RUFY2: variants seen among roughly 807,000 people sequenced by gnomAD.
RUFY2 encodes RUN and FYVE domain containing 2, also known as RUN and FYVE domain-containing protein 2.
A neutral mutation model predicts 94.4 loss-of-function variants in RUFY2; 49 were observed. That is an observed-to-expected ratio of 0.52 (90% CI 0.41 to 0.66). The LOEUF is 0.66. Ranked by LOEUF, RUFY2 falls within the 30% of genes least tolerant of loss-of-function variation. The probability of loss-of-function intolerance (pLI) is 0.00; values close to 1 mark genes in which losing one functional copy is unlikely to be tolerated. For synonymous variants in RUFY2, 255 were observed against 235.7 expected (o/e 1.08, Z -0.75); for missense variants, 541 against 692.8 (o/e 0.78, Z 2.46).
chr10:68,363,901 G>T, intron 14 of RUFY2, 83 bp downstream of exon 14: 8 of 1,111,392 alleles, frequency 7.2e-6, no homozygotes, highest in South Asian at 1.7e-5. Flanking sequence ...CCATTTCCTT[G>T]GTATAATGTA....
rs2134837717 is a variant in RUFY2 at position 68,343,680 on chromosome 10, A to AAATG, written c.*2084_*2087dup. 6.6e-6 allele frequency: 1 copy of AAATG among 152,640 alleles called. No homozygotes were observed. The highest frequency in any genetic ancestry group is 1.9e-4 in the East Asian group (1 of 5,192). 9.5% of individuals were successfully genotyped at this position (152,640 alleles called of 1,614,324 possible). A position where few individuals can be genotyped will look rare whatever the true frequency, so the allele number is the denominator to read the frequency against. Reference sequence around the variant, plus strand: ...ATGTTAAGTCTGTTTTTGAAAAGTAAAATGAATACGAGTTCACAATCACGA... The same window carrying AAATG: ...ATGTTAAGTCTGTTTTTGAAAAGTAAAATGAATGAATACGAGTTCACAATCACGA... On this transcript the variant is annotated 3_prime_UTR_variant, in exon 18 of 18. Transcript: ENST00000602465.
chr10:68,393,077 G>C, intron 7 of RUFY2, 61 bp downstream of exon 7: 1 of 887,488 alleles, frequency 1.1e-6, no homozygotes, highest in Non-Finnish European at 1.7e-6. Context: ...GTAAGCTGAA[G>C]GGAAAAAAAC....
At chr10:68,373,874 G>A (rs1315395933) in intron 13 of RUFY2, among the ~76,000 whole-genome samples, 2 of 152,178 alleles carry the variant, frequency 1.3e-5, no homozygotes, top group Admixed American at 1.3e-4. Flanking sequence ...GGAGGCCAAG[G>A]TGGGAGGATC....
rs2047004692 is a variant in RUFY2, at chr10:68,355,760, A to C, written c.1551-359T>G. ...AAACCCCGTCTCTACTAAAAATACAAAAAATTAGCCAGGCATGGTGGCGGG... is the reference window on the plus strand; with the variant it reads ...AAACCCCGTCTCTACTAAAAATACACAAAATTAGCCAGGCATGGTGGCGGG... On this transcript the variant is annotated intron_variant, in intron 15 of 17. Coordinates refer to ENST00000602465, the MANE Select transcript of RUFY2 (RefSeq NM_001330103.2). The C allele has an allele frequency of 1.9e-5, 3 of 160,348 alleles. No homozygotes were observed. The South Asian group carries it at 4.7e-4, about 25-fold the overall frequency. The allele number at this position is 160,348 out of a possible 1,614,324, so 9.9% of individuals were successfully genotyped here.
chr10:68,351,667 C>T (rs2046687106), intron 16 of RUFY2, among the ~76,000 whole-genome samples: 1 of 150,810 alleles, frequency 6.6e-6, no homozygotes, highest in Non-Finnish European at 1.5e-5. Context: ...CCAGGATGGA[C>T]TCAATCTCTT....
chr10:68,361,641 C>G (rs1281331145), intron 15 of RUFY2, among the ~76,000 whole-genome samples: 1 of 152,184 alleles, frequency 6.6e-6, no homozygotes, highest in Non-Finnish European at 1.5e-5. Flanking sequence ...ACAGCTTTAT[C>G]TTTTTGAGAT....
At chr10:68,404,158 ACAATAATT>A (rs2051088922) in intron 2 of RUFY2, among the ~76,000 whole-genome samples, 1 of 152,240 alleles carries the variant, frequency 6.6e-6, no homozygotes, top group Non-Finnish European at 1.5e-5. Context: ...TTTATATGTA[ACAATAATT>A]CAATATGTAC....
In RUFY2 at chr10:68,401,505, TAGA is replaced by T. The variant is rs1467989316; in HGVS notation, c.296+112_296+114del. ...GAACATAATTTTATTATAAGAGGAT[TAGA>T]AGAAGGGGACTTAAGACTAAGAGAA... is the stretch of plus-strand genomic sequence containing the variant. On this transcript the variant is annotated intron_variant, in intron 3 of 17. Coordinates refer to ENST00000602465, the MANE Select transcript of RUFY2 (RefSeq NM_001330103.2). The T allele has an allele frequency of 6.1e-6, 4 of 651,114 alleles. No individual in the cohort carries two copies. In the African/African-American group the frequency reaches 7.2e-5, roughly 12 times the overall value. The allele number at this position is 651,114 out of a possible 1,614,324, so 40.3% of individuals were successfully genotyped here.
chr10:68,398,389 C>T (rs1020237457), intron 3 of RUFY2, among the ~76,000 whole-genome samples: 7 of 152,214 alleles, frequency 4.6e-5, no homozygotes, highest in Non-Finnish European at 1.0e-4. Context: ...TGGTGGCTCA[C>T]GCCTGTAATC....
rs911096222 is a variant in RUFY2, at chr10:68,363,400, C to T, written c.1550+190G>A. On this transcript the variant is annotated intron_variant, in intron 15 of 17. Coordinates refer to ENST00000602465, the MANE Select transcript of RUFY2 (RefSeq NM_001330103.2). ...CCATATTAGCCAGTCTGGTCTTGAC[C>T]TCCTGACTTCATGATCCACCCGCCT... is the stretch of plus-strand genomic sequence containing the variant. Among the ~76,000 whole-genome samples, 5 of 152,300 alleles carry T rather than the reference C, an allele frequency of 3.3e-5. No homozygotes were observed. The Middle Eastern group carries it at 0.01, about 311-fold the overall frequency.
At chr10:68,387,700 G>A (rs977910418) in intron 7 of RUFY2, among the ~76,000 whole-genome samples, 3 of 151,956 alleles carry the variant, frequency 2.0e-5, no homozygotes, top group African/African-American at 7.2e-5. Context: ...TCCTAATTGT[G>A]TCACCTTGAA....
intron 13 of RUFY2, among the ~76,000 whole-genome samples, chr10:68,368,826 C>T (rs1472543639): frequency 2.0e-5 from 3 of 152,112 alleles, no homozygotes; most frequent in Non-Finnish European, 4.4e-5. Flanking sequence ...CCATTAAATA[C>T]TAATGGGCAT....
intron 14 of RUFY2, 72 bp from the exon 15 acceptor site, chr10:68,363,756 C>T (rs923862432): frequency 4.0e-6 from 4 of 992,692 alleles, no homozygotes; most frequent in Non-Finnish European, 5.9e-6. Context: ...GTACATATAC[C>T]ATTAATTAGA....
rs1554869876 is a variant in RUFY2 at position 68,343,808 on chromosome 10, T to TTAAAAAAAAAAAAA, written c.*1959_*1960insTTTTTTTTTTTTTA. On this transcript the variant is annotated 3_prime_UTR_variant, in exon 18 of 18. Transcript: ENST00000602465. Reference sequence around the variant, plus strand: ...GCAAGTTGCTGTCATAAAAGCTGCCTAAAAAAAAAAAAAAAAAAAAAAAAA... The same window carrying TTAAAAAAAAAAAAA: ...GCAAGTTGCTGTCATAAAAGCTGCCTTAAAAAAAAAAAAAAAAAAAAAAAAAAAAAAAAAAAAAA... 2 of 115,664 alleles carry TTAAAAAAAAAAAAA rather than the reference T, an allele frequency of 1.7e-5. 1 individual carries two copies. The highest frequency in any genetic ancestry group is 7.9e-5 in the African/African-American group (2 of 25,416). The allele number at this position is 115,664 out of a possible 1,614,324, so 7.2% of individuals were successfully genotyped here.
intron 13 of RUFY2, among the ~76,000 whole-genome samples, chr10:68,370,246 C>T (rs1006784205): frequency 6.6e-6 from 1 of 152,106 alleles, no homozygotes; most frequent in Non-Finnish European, 1.5e-5. Context: ...GATTGCACCA[C>T]TGCACTCCAG....
intron 13 of RUFY2, among the ~76,000 whole-genome samples, chr10:68,369,275 A>T (rs1305062221): frequency 6.6e-6 from 1 of 152,186 alleles, no homozygotes; most frequent in Non-Finnish European, 1.5e-5. Flanking sequence ...ACTTGAGGTC[A>T]GGAGTTTGAG....
In RUFY2 at chr10:68,378,235, C is replaced by T. The variant is rs918668918; in HGVS notation, c.1205+1189G>A. ...ATATCTGTGCCAACACAGTATAAAA[C>T]TGAAGGTTAAGTTATTTTTAAACAA... On this transcript the variant is annotated intron_variant, in intron 12 of 17. Coordinates refer to ENST00000602465, the MANE Select transcript of RUFY2 (RefSeq NM_001330103.2). 4.0e-5 allele frequency: 41 copies of T among 1,023,142 alleles called. No individual in the cohort carries two copies. The African/African-American group carries it at 6.8e-4, about 17-fold the overall frequency. The allele number at this position is 1,023,142 out of a possible 1,614,324, so 63.4% of individuals were successfully genotyped here. A position where few individuals can be genotyped will look rare whatever the true frequency, so the allele number is the denominator to read the frequency against.
intron 15 of RUFY2, among the ~76,000 whole-genome samples, chr10:68,359,475 TA>T (rs1325302935): frequency 6.9e-6 from 1 of 144,052 alleles, no homozygotes; most frequent in South Asian, 2.2e-4. Flanking sequence ...CTACTATATA[TA>T]AAAATATATA....
rs1024459642 is a variant in RUFY2 at position 68,381,379 on chromosome 10, T to G, written c.960A>C (p.Ala320=). 2 of 1,611,782 alleles carry G rather than the reference T, an allele frequency of 1.2e-6. No individual in the cohort carries two copies. The highest frequency in any genetic ancestry group is 2.7e-5 in the African/African-American group (2 of 74,986). Residue 320 remains alanine, a synonymous_variant, in exon 11 of 18, where the codon GCA becomes GCC. Transcript: ENST00000602465. Reference sequence around the variant, plus strand: ...TCTCATGCTTCATACTAACTTGTACTGCTAGCTCATTCTCTACATCCTGCA... The same window carrying G: ...TCTCATGCTTCATACTAACTTGTACGGCTAGCTCATTCTCTACATCCTGCA... ...QLRQDVENEL[A]VQVSMKHEIE...
Sources: gnomAD v4.1 joint callset for allele counts (sites outside exome capture counted in the v4.1 genomes callset) on GRCh38, gnomAD v4.1.1 for gene constraint, MANE v1.5 for transcripts, NCBI Gene and HGNC (gene_info 2026-07-23, HGNC 2026-07-21) for gene names.